Variants in ZMAT4 observed in about 807,000 individuals in gnomAD.
ZMAT4 encodes zinc finger matrin-type protein 4.
A neutral mutation model predicts 28.7 loss-of-function variants in ZMAT4; 17 were observed. That is an observed-to-expected ratio of 0.59 (90% CI 0.41 to 0.89). ZMAT4 has a LOEUF of 0.89. ZMAT4 is among the 40% of genes least tolerant of loss of function. ZMAT4 has a pLI of 0.00. For synonymous variants in ZMAT4, 117 were observed against 109.2 expected (o/e 1.07, Z -0.44); for missense variants, 240 against 283.8 (o/e 0.85, Z 1.11).
intron 5 of ZMAT4, among the ~76,000 whole-genome samples, chr8:40,672,923 G>A (rs1422494223): frequency 6.6e-6 from 1 of 152,142 alleles, no homozygotes; most frequent in Non-Finnish European, 1.5e-5. Context: ...CCAACATACT[G>A]AAATAGGAAG....
intron 5 of ZMAT4, among the ~76,000 whole-genome samples, chr8:40,615,765 T>C (rs1197224540): frequency 6.6e-6 from 1 of 152,218 alleles, no homozygotes; most frequent in East Asian, 1.9e-4. Flanking sequence ...CGTGCCATGG[T>C]TTTCAGCTCC....
chr8:40,814,043 G>A (rs1293789117), intron 2 of ZMAT4, among the ~76,000 whole-genome samples: 2 of 152,210 alleles, frequency 1.3e-5, no homozygotes, highest in Admixed American at 6.5e-5. Context: ...TGGGAGCAGA[G>A]ATGCCAAGAT....
At chr8:40,646,160 T>C (rs1289602605) in intron 5 of ZMAT4, among the ~76,000 whole-genome samples, 1 of 151,960 alleles carries the variant, frequency 6.6e-6, no homozygotes, top group African/African-American at 2.4e-5. Flanking sequence ...AAGTGTTTAA[T>C]TCACTTATAA....
At chr8:40,813,432 T>C (rs1815407985) in intron 2 of ZMAT4, among the ~76,000 whole-genome samples, 1 of 152,230 alleles carries the variant, frequency 6.6e-6, no homozygotes, top group Non-Finnish European at 1.5e-5. Context: ...GCAAAAGCTG[T>C]TTTCATAGCT....
intron 1 of ZMAT4, among the ~76,000 whole-genome samples, chr8:40,857,057 G>A (rs1292289021): frequency 1.3e-5 from 2 of 152,166 alleles, no homozygotes; most frequent in African/African-American, 2.4e-5. Flanking sequence ...GCAAAAGATC[G>A]AGATGATCAG....
chr8:40,621,370 T>C (rs1295972982), intron 5 of ZMAT4, among the ~76,000 whole-genome samples: 1 of 152,178 alleles, frequency 6.6e-6, no homozygotes, highest in Non-Finnish European at 1.5e-5. Context: ...CCCCAACTAG[T>C]ACTCAAATCT....
chr8:40,719,298 C>T (rs1023673594), intron 3 of ZMAT4, among the ~76,000 whole-genome samples: 1 of 151,968 alleles, frequency 6.6e-6, no homozygotes, highest in Non-Finnish European at 1.5e-5. Context: ...AAAAAATTAC[C>T]CAGGCGTGGT....
At chr8:40,677,157 C>A (rs1215671069) in intron 4 of ZMAT4, among the ~76,000 whole-genome samples, 3 of 152,128 alleles carry the variant, frequency 2.0e-5, no homozygotes, top group Non-Finnish European at 4.4e-5. Context: ...CCTTCTACAC[C>A]ATATCCTGGT....
intron 2 of ZMAT4, among the ~76,000 whole-genome samples, chr8:40,783,886 C>G (rs1813949470): frequency 6.6e-6 from 1 of 152,148 alleles, no homozygotes; most frequent in African/African-American, 2.4e-5. Context: ...TGGCAGGTGC[C>G]TGTAATCCCA....
chr8:40,532,763 A>C (rs1156743117), intron 6 of ZMAT4, among the ~76,000 whole-genome samples: 1 of 152,112 alleles, frequency 6.6e-6, no homozygotes, highest in Non-Finnish European at 1.5e-5. Flanking sequence ...TTTGGGAGGT[A>C]GAGGTGGGCA....
At chr8:40,635,054 G>A (rs1806740162) in intron 5 of ZMAT4, among the ~76,000 whole-genome samples, 2 of 152,100 alleles carry the variant, frequency 1.3e-5, no homozygotes, top group Non-Finnish European at 1.5e-5. Flanking sequence ...GGCAAAGACA[G>A]CAATTTCCTG....
intron 2 of ZMAT4, among the ~76,000 whole-genome samples, chr8:40,807,280 A>G (rs1677069054): frequency 6.6e-6 from 1 of 152,066 alleles, no homozygotes; most frequent in African/African-American, 2.4e-5. Context: ...CGTCTCTGCT[A>G]AAAATACAAA....
chr8:40,821,624 C>A (rs1815832864), intron 2 of ZMAT4, among the ~76,000 whole-genome samples: 1 of 152,198 alleles, frequency 6.6e-6, no homozygotes, highest in East Asian at 1.9e-4. Flanking sequence ...GGCATTAACC[C>A]ATCTGTTTTG....
chr8:40,893,106 G>A (rs1206158036), intron 1 of ZMAT4, among the ~76,000 whole-genome samples: 1 of 152,144 alleles, frequency 6.6e-6, no homozygotes, highest in Non-Finnish European at 1.5e-5. Context: ...AGAACAGCTG[G>A]TCGCCATCCT....
At chr8:40,847,114 G>T (rs1359578952) in intron 1 of ZMAT4, among the ~76,000 whole-genome samples, 1 of 151,600 alleles carries the variant, frequency 6.6e-6, no homozygotes, top group African/African-American at 2.4e-5. Flanking sequence ...CTAGGCAGGA[G>T]AATCGCTTGA....
intron 3 of ZMAT4, among the ~76,000 whole-genome samples, chr8:40,760,688 CTCTCTCTCTCTGTCACAG>C: frequency 6.8e-6 from 1 of 146,850 alleles, no homozygotes; most frequent in Non-Finnish European, 1.5e-5. Context: ...AGATCTCTCT[CTCTCTCTCTCTGTCACAG>C]TCTCTCTCTC....
At chr8:40,695,760 A>G (rs1244124950) in intron 4 of ZMAT4, among the ~76,000 whole-genome samples, 1 of 125,886 alleles carries the variant, frequency 7.9e-6, no homozygotes, top group Non-Finnish European at 1.6e-5. Flanking sequence ...TGGTTTTGCC[A>G]TGTGGCAATT....
intron 4 of ZMAT4, among the ~76,000 whole-genome samples, chr8:40,689,754 T>C (rs536395476): frequency 6.6e-6 from 1 of 152,132 alleles, no homozygotes; most frequent in East Asian, 1.9e-4. Context: ...GTCCTGACCA[T>C]GTCTCCTGTT....
At chr8:40,573,504 G>A (rs922909796) in intron 6 of ZMAT4, among the ~76,000 whole-genome samples, 1 of 152,086 alleles carries the variant, frequency 6.6e-6, no homozygotes, top group Non-Finnish European at 1.5e-5. Context: ...ACCAGGCATT[G>A]GATTTAAGGC....
Sources: allele counts gnomAD v4.1 joint callset (sites outside exome capture counted in the v4.1 genomes callset), GRCh38; gene constraint gnomAD v4.1.1; transcripts MANE v1.5; gene names NCBI Gene and HGNC (gene_info 2026-07-23, HGNC 2026-07-21).